The following MED13L variants were observed in gnomAD, a reference collection of about 807,000 sequenced individuals.
The protein encoded by MED13L is mediator of RNA polymerase II transcription subunit 13-like.
In MED13L, 7 loss-of-function variants were observed where a neutral mutation model predicts 220.9. That is an observed-to-expected ratio of 0.03 (90% CI 0.02 to 0.06). The LOEUF (loss-of-function observed/expected upper bound fraction) is 0.06. MED13L is among the 10% of genes least tolerant of loss of function. The pLI is 1.00. For missense variants in MED13L, 1,965 were observed against 2,760.5 expected, an observed-to-expected ratio of 0.71 and a Z score of 6.46; for synonymous variants, 1,011 against 1,015.2, an observed-to-expected ratio of 1.00 and a Z score of 0.08.
chr12:116,174,658 T>C (rs1021939147), intron 2 of MED13L: 4 of 152,204 alleles, frequency 2.6e-5, no homozygotes, highest in African/African-American at 9.6e-5. Flanking sequence ...TATGGGATAG[T>C]TGTTACTAGC....
intron 29 of MED13L, among the ~76,000 whole-genome samples, chr12:115,963,864 C>A (rs1340344973): frequency 6.6e-6 from 1 of 152,052 alleles, no homozygotes; most frequent in Non-Finnish European, 1.5e-5. Flanking sequence ...TCAATATTCA[C>A]CACTTTTCTG....
intron 3 of MED13L, among the ~76,000 whole-genome samples, chr12:116,100,515 G>T (rs549209402): frequency 6.7e-6 from 1 of 148,698 alleles, no homozygotes; most frequent in East Asian, 2.0e-4. Context: ...CAAGAGAATC[G>T]CTTGAACCCA....
At chr12:116,255,062 A>T (rs953263342) in intron 1 of MED13L, among the ~76,000 whole-genome samples, 17 of 152,202 alleles carry the variant, frequency 1.1e-4, no homozygotes, top group African/African-American at 3.9e-4. Context: ...ACTTATATTG[A>T]AATGCAAAAC....
intron 2 of MED13L, among the ~76,000 whole-genome samples, chr12:116,135,415 A>G (rs1020292709): frequency 4.6e-5 from 7 of 152,206 alleles, no homozygotes; most frequent in African/African-American, 1.7e-4. Flanking sequence ...ATGTGAATAA[A>G]AAGGCCTCCA....
At chr12:116,074,379 A>G (rs1870619374) in intron 4 of MED13L, among the ~76,000 whole-genome samples, 2 of 152,244 alleles carry the variant, frequency 1.3e-5, no homozygotes, top group South Asian at 4.1e-4. Context: ...TGGGCGACAG[A>G]GTGAGACTCT....
intron 3 of MED13L, among the ~76,000 whole-genome samples, chr12:116,103,003 A>G (rs1873223939): frequency 6.6e-6 from 1 of 151,930 alleles, no homozygotes; most frequent in African/African-American, 2.4e-5. Flanking sequence ...GGCATGAGCC[A>G]TCGCACCAGG....
chr12:116,226,059 CTT>C (rs35656992), intron 2 of MED13L, among the ~76,000 whole-genome samples: 493 of 137,866 alleles, frequency 3.6e-3, no homozygotes, highest in Middle Eastern at 7.4e-3. Context: ...TAATTTTTAT[CTT>C]TTTTTTTTTT....
chr12:115,961,624 TGAG>T (rs1875761313), intron 30 of MED13L: 5 of 611,442 alleles, frequency 8.2e-6, no homozygotes, highest in African/African-American at 1.8e-5. Context: ...GCTCCGCCAG[TGAG>T]GCCAGTAGGA....
Position 116,269,419 on chromosome 12 carries a change from G to GC in MED13L, c.72+7640dup, listed in dbSNP as rs1270701827. Among the ~76,000 whole-genome samples, 114 of 109,858 alleles carry GC rather than the reference G, an allele frequency of 1.0e-3. 1 individual carries two copies. Among genetic ancestry groups the GC allele is most frequent in the South Asian group, 4.9e-3 (15 of 3,042 alleles). The allele number at this position is 109,858 out of a possible 152,430, so 72.1% of individuals were successfully genotyped here. ...CTTCCTGATGCTCTCCCTCCTCCCC[G>GC]CCCCCCCAATCTACTTTTAAAGTTA... On this transcript the variant is annotated intron_variant, in intron 1 of 30. Coordinates refer to ENST00000281928, the MANE Select transcript of MED13L (RefSeq NM_015335.5).
At chr12:115,966,293 G>A (rs375796309) in intron 28 of MED13L, 50 bp from the exon 29 acceptor site, 7 of 1,607,750 alleles carry the variant, frequency 4.4e-6, no homozygotes, top group Non-Finnish European at 6.0e-6. Flanking sequence ...CTTAAAGCTT[G>A]AAAAATGAAC....
At chr12:116,070,295 T>C (rs11067899) in intron 4 of MED13L, among the ~76,000 whole-genome samples, 41,050 of 152,086 alleles carry the variant, frequency 0.27, 7,228 homozygotes, top group Non-Finnish European at 0.39. Flanking sequence ...CTCTGAGCTT[T>C]ACTTTTAACA....
intron 2 of MED13L, among the ~76,000 whole-genome samples, chr12:116,235,281 C>T (rs1869973124): frequency 6.6e-6 from 1 of 152,068 alleles, no homozygotes; most frequent in Non-Finnish European, 1.5e-5. Flanking sequence ...AGAGGAGACG[C>T]ACTCAATGAA....
chr12:115,985,573 G>A (rs1877627208), intron 19 of MED13L, among the ~76,000 whole-genome samples: 1 of 152,132 alleles, frequency 6.6e-6, no homozygotes, highest in Non-Finnish European at 1.5e-5. Context: ...GACATTAGAT[G>A]TATCAGATAC....
At chr12:116,124,983 G>A (rs976229571) in intron 2 of MED13L, among the ~76,000 whole-genome samples, 1 of 152,140 alleles carries the variant, frequency 6.6e-6, no homozygotes, top group East Asian at 1.9e-4. Flanking sequence ...TTAGCAGTCT[G>A]TACAATTAAG....
chr12:116,216,809 CAA>C (rs1278263504), intron 2 of MED13L, among the ~76,000 whole-genome samples: 1 of 152,152 alleles, frequency 6.6e-6, no homozygotes, highest in Non-Finnish European at 1.5e-5. Context: ...GTTACTGTAG[CAA>C]AGACTAATAC....
intron 23 of MED13L, among the ~76,000 whole-genome samples, chr12:115,977,958 T>C (rs1303981239): frequency 1.3e-5 from 2 of 152,032 alleles, no homozygotes; most frequent in Non-Finnish European, 1.5e-5. Context: ...ATCTTGCCAC[T>C]GCACACCACC....
In MED13L at chr12:116,019,711, G is replaced by T. The variant is rs536445778; in HGVS notation, c.820+67C>A. 2.0e-5 allele frequency: 30 copies of T among 1,500,184 alleles called. No individual in the cohort carries two copies. The Admixed American group carries it at 4.7e-4, about 23-fold the overall frequency. The allele number at this position is 1,500,184 out of a possible 1,614,324, so 92.9% of individuals were successfully genotyped here. A position where few individuals can be genotyped will look rare whatever the true frequency, so the allele number is the denominator to read the frequency against. ...GAGATTATTTCTGAAGAATCTAAAT[G>T]ATTATCTTTTTAAATTAAGGAAGAG... On this transcript the variant is annotated intron_variant, in intron 6 of 30. Coordinates refer to ENST00000281928, the MANE Select transcript of MED13L (RefSeq NM_015335.5).
At chr12:116,095,439 GT>G (rs1180151710) in intron 4 of MED13L, among the ~76,000 whole-genome samples, 1 of 152,200 alleles carries the variant, frequency 6.6e-6, no homozygotes, top group African/African-American at 2.4e-5. Flanking sequence ...CATAAATTAT[GT>G]TTGGTTAATG....
chr12:116,217,085 G>A (rs1294869322), intron 2 of MED13L, among the ~76,000 whole-genome samples: 1 of 152,154 alleles, frequency 6.6e-6, no homozygotes, highest in Non-Finnish European at 1.5e-5. Flanking sequence ...CCTTGACAGA[G>A]TATCAACTGA....
Sources: allele counts gnomAD v4.1 joint callset (sites outside exome capture counted in the v4.1 genomes callset), GRCh38; gene constraint gnomAD v4.1.1; transcripts MANE v1.5; gene names NCBI Gene and HGNC (gene_info 2026-07-23, HGNC 2026-07-21).